MAP3K9: variants seen among roughly 807,000 people sequenced by gnomAD.
MAP3K9 encodes the protein mixed lineage kinase 1 (tyr and ser/thr specificity).
Under a neutral mutation model 95.8 loss-of-function variants are expected in MAP3K9, and 46 were observed. The ratio of observed to expected loss-of-function variants is 0.48; its 90% CI spans 0.38 to 0.61. The LOEUF is 0.61. Among genes scored for constraint, MAP3K9 ranks in the 20% least tolerant of loss-of-function variants. MAP3K9 has a pLI of 0.00. For synonymous variants in MAP3K9, 533 were observed against 593.8 expected, an observed-to-expected ratio of 0.90 and a Z score of 1.49; for missense variants, 1,296 against 1,474.3, an observed-to-expected ratio of 0.88 and a Z score of 1.98.
At chr14:70,754,191 T>C (rs1270314796) in intron 3 of MAP3K9, among the ~76,000 whole-genome samples, 1 of 152,234 alleles carries the variant, frequency 6.6e-6, no homozygotes, top group African/African-American at 2.4e-5. Flanking sequence ...TTCAAAATGA[T>C]GATGTATTTA....
chr14:70,771,726 T>C (rs17177014), intron 2 of MAP3K9, among the ~76,000 whole-genome samples: 34,675 of 151,838 alleles, frequency 0.23, 4,268 homozygotes, highest in South Asian at 0.38. Flanking sequence ...CAGCTAAACA[T>C]AGGGGGAAAA....
At chr14:70,762,012 A>T (rs574937600) in intron 2 of MAP3K9, among the ~76,000 whole-genome samples, 18 of 152,358 alleles carry the variant, frequency 1.2e-4, no homozygotes, top group South Asian at 4.1e-4. Flanking sequence ...ATCATACAAT[A>T]TGTGACACAC....
intron 5 of MAP3K9, among the ~76,000 whole-genome samples, chr14:70,745,118 G>A (rs1325798985): frequency 1.3e-5 from 2 of 152,178 alleles, no homozygotes; most frequent in Non-Finnish European, 2.9e-5. Context: ...TTAAAGTGGG[G>A]TGTGGGGTGG....
chr14:70,791,619 G>A (rs1360202773), intron 2 of MAP3K9, among the ~76,000 whole-genome samples: 1 of 152,190 alleles, frequency 6.6e-6, no homozygotes, highest in African/African-American at 2.4e-5. Flanking sequence ...CTCACTGCCT[G>A]GAACCTCCTT....
chr14:70,793,375 T>C (rs1222267984), intron 2 of MAP3K9, among the ~76,000 whole-genome samples: 2 of 152,148 alleles, frequency 1.3e-5, no homozygotes, highest in African/African-American at 4.8e-5. Context: ...GCCAGGGGAC[T>C]CTAACGAGGA....
intron 11 of MAP3K9, 111 bp from the exon 12 acceptor site, chr14:70,730,975 G>T: frequency 8.2e-7 from 1 of 1,214,682 alleles, no homozygotes; most frequent in Non-Finnish European, 1.1e-6. Context: ...AGGAGAACAT[G>T]AATCACCAAA....
chr14:70,809,429 G>T lies in MAP3K9; in HGVS notation c.-258C>A. The T allele has an allele frequency of 3.1e-6, 1 of 324,808 alleles. No homozygotes were observed. Among genetic ancestry groups the T allele is most frequent in the Non-Finnish European group, 5.5e-6 (1 of 181,764 alleles). The allele number at this position is 324,808 out of a possible 1,614,324, so 20.1% of individuals were successfully genotyped here. On this transcript the variant is annotated 5_prime_UTR_variant, in exon 1 of 12. Transcript: ENST00000554752. ...CCCGCCTGCCCGCTCGCCCCCCCGG[G>T]GGCGGCCTCGTCACCTCTGCCGCCG...
chr14:70,780,121 T>C (rs1286581884), intron 2 of MAP3K9, among the ~76,000 whole-genome samples: 1 of 152,218 alleles, frequency 6.6e-6, no homozygotes, highest in Non-Finnish European at 1.5e-5. Context: ...ATATGTGTTC[T>C]GGGGAACAAG....
chr14:70,796,740 G>C (rs1179259834), intron 2 of MAP3K9, among the ~76,000 whole-genome samples: 1 of 152,170 alleles, frequency 6.6e-6, no homozygotes, highest in South Asian at 2.1e-4. Context: ...CTGTGACTTG[G>C]ACCTCATAAC....
intron 2 of MAP3K9, among the ~76,000 whole-genome samples, chr14:70,783,061 T>C (rs2054702181): frequency 6.6e-6 from 1 of 152,210 alleles, no homozygotes; most frequent in African/African-American, 2.4e-5. Context: ...TTATTTTTCC[T>C]CAGTGGGGTC....
chr14:70,745,048 C>G (rs150030672), intron 5 of MAP3K9, among the ~76,000 whole-genome samples: 1 of 152,208 alleles, frequency 6.6e-6, no homozygotes, highest in Non-Finnish European at 1.5e-5. Flanking sequence ...ACAAAGCATG[C>G]CTACAAAATT....
chr14:70,748,949 C>G lies in MAP3K9; in HGVS notation c.1206G>C (p.Gln402His). 1 of 1,614,064 alleles carries G rather than the reference C, an allele frequency of 6.2e-7. No homozygotes were observed. Among genetic ancestry groups the G allele is most frequent in the Non-Finnish European group, 8.5e-7 (1 of 1,179,986 alleles). Residue 402 changes from glutamine to histidine, a missense_variant, in exon 5 of 12, where the codon CAG becomes CAC. Around this residue, in one of 5 missense-constraint regions of MAP3K9, gnomAD observed 136 missense variants for 221.5 expected, o/e 0.61. Transcript: ENST00000554752. ...SRPSFTNILD[Q>H]LTTIEESGFF... Reference sequence around the variant, plus strand: ...AACCAGACTCCTCTATGGTGGTTAGCTGGTCCAGGATATTCGTGAAAGATG... The same window carrying G: ...AACCAGACTCCTCTATGGTGGTTAGGTGGTCCAGGATATTCGTGAAAGATG...
chr14:70,750,502 T>C (rs8015238), intron 3 of MAP3K9, among the ~76,000 whole-genome samples: 46,348 of 152,058 alleles, frequency 0.3, 7,263 homozygotes, highest in Admixed American at 0.35. Flanking sequence ...TTGTTTGTTT[T>C]GGGATGGAGT....
chr14:70,796,441 G>A (rs146912563), intron 2 of MAP3K9, among the ~76,000 whole-genome samples: 2 of 152,280 alleles, frequency 1.3e-5, no homozygotes, highest in African/African-American at 4.8e-5. Flanking sequence ...AGTTCATACC[G>A]ATGCATGTCC....
intron 1 of MAP3K9, among the ~76,000 whole-genome samples, chr14:70,801,975 C>G (rs1297819277): frequency 1.3e-5 from 2 of 152,210 alleles, no homozygotes; most frequent in Non-Finnish European, 2.9e-5. Context: ...TGAGGGTAAC[C>G]AGGCCAGGAA....
At chr14:70,735,366 CT>C (rs10716151) in intron 9 of MAP3K9, among the ~76,000 whole-genome samples, 96,385 of 140,108 alleles carry the variant, frequency 0.69, 33,311 homozygotes, top group South Asian at 0.8. Flanking sequence ...CAGAGTGGCT[CT>C]TTTTTTTTTT....
intron 5 of MAP3K9, among the ~76,000 whole-genome samples, chr14:70,742,911 T>A (rs200793387): frequency 1.2e-3 from 168 of 143,048 alleles, no homozygotes; most frequent in Admixed American, 1.5e-3. Context: ...TTATATATAT[T>A]TATATATATA....
chr14:70,796,632 G>C (rs2054867377), intron 2 of MAP3K9, among the ~76,000 whole-genome samples: 1 of 152,164 alleles, frequency 6.6e-6, no homozygotes, highest in South Asian at 2.1e-4. Flanking sequence ...ATTAACACAA[G>C]CACATACGCC....
At chr14:70,777,970 G>T (rs939158822) in intron 2 of MAP3K9, among the ~76,000 whole-genome samples, 2 of 152,110 alleles carry the variant, frequency 1.3e-5, no homozygotes, top group Non-Finnish European at 2.9e-5. Flanking sequence ...GTGGTTACTA[G>T]AAAAGGTCGA....
Sources: gnomAD v4.1 joint callset for allele counts (sites outside exome capture counted in the v4.1 genomes callset) on GRCh38, gnomAD v4.1.1 for gene constraint, gnomAD v4.1.1 regional missense constraint, MANE v1.5 for transcripts, NCBI Gene and HGNC (gene_info 2026-07-23, HGNC 2026-07-21) for gene names.